Variants in KLC1 observed in about 807,000 individuals in gnomAD.
The protein encoded by KLC1 is kinesin light chain 1, also known as kinesin 2 60/70kDa.
A neutral mutation model predicts 84.2 loss-of-function variants in KLC1; 30 were observed. The ratio of observed to expected loss-of-function variants is 0.36; its 90% CI spans 0.27 to 0.48. The LOEUF (loss-of-function observed/expected upper bound fraction) is 0.48, where lower values mean the gene tolerates loss of function less well. Ranked by LOEUF, KLC1 falls within the 20% of genes least tolerant of loss-of-function variation. The pLI is 0.99. For synonymous variants in KLC1, 289 were observed against 293.3 expected (o/e 0.99, Z 0.15); for missense variants, 499 against 805.4 (o/e 0.62, Z 4.60).
At chr14:103,692,854 T>C (rs1001582679) in intron 15 of KLC1, among the ~76,000 whole-genome samples, 2 of 152,258 alleles carry the variant, frequency 1.3e-5, no homozygotes, top group Non-Finnish European at 1.5e-5. Flanking sequence ...GTTAACATGA[T>C]GACTAGCGTG....
chr14:103,664,429 G>A (rs2079572006), intron 5 of KLC1, among the ~76,000 whole-genome samples: 1 of 152,164 alleles, frequency 6.6e-6, no homozygotes, highest in African/African-American at 2.4e-5. Flanking sequence ...TGGGATTACA[G>A]GCATGAGCCA....
intron 2 of KLC1, among the ~76,000 whole-genome samples, chr14:103,656,070 G>GCCAT (rs2078818290): frequency 6.6e-6 from 1 of 152,208 alleles, no homozygotes; most frequent in South Asian, 2.1e-4. Context: ...AGCCTGTCTT[G>GCCAT]GGGACTGAGA....
intron 3 of KLC1, among the ~76,000 whole-genome samples, chr14:103,659,088 C>A (rs1340146825): frequency 6.6e-6 from 1 of 152,092 alleles, no homozygotes; most frequent in Non-Finnish European, 1.5e-5. Context: ...AGCGATTCTC[C>A]CTTCTCAGCC....
intron 5 of KLC1, 57 bp from the exon 6 acceptor site, chr14:103,669,454 A>G: frequency 1.9e-6 from 2 of 1,060,042 alleles, no homozygotes; most frequent in East Asian, 2.4e-5. Flanking sequence ...AAAGAAAAGA[A>G]AAGAAAAGCT....
chr14:103,662,621 A>T, intron 4 of KLC1, 81 bp from the exon 5 acceptor site: 1 of 1,150,142 alleles, frequency 8.7e-7, no homozygotes, highest in Non-Finnish European at 1.2e-6. Context: ...AACCAAAGTT[A>T]GTAAAGATAA....
intron 15 of KLC1, chr14:103,699,305 G>T (rs2082892163): frequency 6.5e-7 from 1 of 1,549,928 alleles, no homozygotes; most frequent in African/African-American, 1.4e-5. Context: ...GACCGGCTCT[G>T]CTTCCGCATC....
At chr14:103,674,933 C>G (rs926308773) in intron 9 of KLC1, among the ~76,000 whole-genome samples, 5 of 152,166 alleles carry the variant, frequency 3.3e-5, no homozygotes, top group African/African-American at 1.2e-4. Flanking sequence ...CTGTGTCTTA[C>G]CTGTTGCTTG....
intron 1 of KLC1, among the ~76,000 whole-genome samples, chr14:103,648,521 G>T (rs1425394028): frequency 6.6e-6 from 1 of 152,140 alleles, no homozygotes; most frequent in Non-Finnish European, 1.5e-5. Context: ...GGTGGCTCAT[G>T]CCTGTAATCG....
chr14:103,700,774 G>C, intron 16 of KLC1, 47 bp downstream of exon 16: 1 of 1,464,454 alleles, frequency 6.8e-7, no homozygotes, highest in Non-Finnish European at 9.3e-7. Flanking sequence ...GCTGGGCCAG[G>C]GAGGGACTTT....
At chr14:103,644,800 C>T (rs1406853701) in intron 1 of KLC1, among the ~76,000 whole-genome samples, 1 of 152,028 alleles carries the variant, frequency 6.6e-6, no homozygotes, top group South Asian at 2.1e-4. Flanking sequence ...TTTCTTAGGA[C>T]AATTTTTTTG....
rs1277535880 is a variant in KLC1 at position 103,662,792 on chromosome 14, TC to T, written c.664del (p.Gln222SerfsTer10). On this transcript the variant is annotated frameshift_variant, in exon 5 of 17. Transcript: ENST00000334553. LOFTEE classifies it high-confidence loss of function. ...ARLRTLHNLV[I>X]QYASQGRYEV... is the part of the protein sequence containing the mutation. ...CTGCGGACGCTCCACAACCTGGTGA[TC>T]CAGTACGCCTCGCAGGGGCGCTACG... The T allele has an allele frequency of 6.2e-7, 1 of 1,611,950 alleles. No homozygotes were observed. The highest frequency in any genetic ancestry group is 1.7e-5 in the Admixed American group (1 of 59,568).
intron 15 of KLC1, chr14:103,695,264 CAGCT>C: frequency 1.5e-6 from 1 of 658,164 alleles, no homozygotes. Flanking sequence ...AGTTCAAGAA[CAGCT>C]TGGGCAACAC....
chr14:103,648,426 C>T (rs2151429891), intron 1 of KLC1, among the ~76,000 whole-genome samples: 1 of 152,226 alleles, frequency 6.6e-6, no homozygotes, highest in South Asian at 2.1e-4. Flanking sequence ...AGGTTCTTAA[C>T]ATTCTCAATT....
intron 15 of KLC1, chr14:103,699,681 A>C: frequency 3.6e-6 from 4 of 1,115,202 alleles, no homozygotes; most frequent in Non-Finnish European, 5.3e-6. Flanking sequence ...CTTCCTACCC[A>C]CCTGGGGCTC....
intron 2 of KLC1, among the ~76,000 whole-genome samples, chr14:103,656,979 C>T (rs2151514485): frequency 6.6e-6 from 1 of 152,118 alleles, no homozygotes; most frequent in East Asian, 1.9e-4. Context: ...AGGCAGAGCC[C>T]TGGAGTGGCC....
At chr14:103,699,124 T>G in intron 15 of KLC1, 1 of 1,573,292 alleles carries the variant, frequency 6.4e-7, no homozygotes, top group Non-Finnish European at 8.6e-7. Flanking sequence ...ACCACATGGC[T>G]GCACTCACCC....
At chr14:103,650,323 T>G (rs4900585) in intron 1 of KLC1, among the ~76,000 whole-genome samples, 146,719 of 152,146 alleles carry the variant, frequency 0.96, 70,768 homozygotes, top group East Asian at 0.98. Flanking sequence ...AGAAGATGCA[T>G]TAGCTCCAAA....
intron 1 of KLC1, among the ~76,000 whole-genome samples, chr14:103,646,553 C>T (rs950826966): frequency 4.6e-5 from 7 of 152,254 alleles, no homozygotes; most frequent in African/African-American, 1.7e-4. Flanking sequence ...CTCTGTCACC[C>T]AGGCTGAAGT....
Position 103,657,881 on chromosome 14 carries a change from G to A in KLC1, c.492+105G>A. The stretch of plus-strand genomic sequence containing the variant: ...ATTCTTTTCATATTAGAACATATTA[G>A]AACATTAGAACATGCAAAAATGTTT... On this transcript the variant is annotated intron_variant, in intron 3 of 16. Coordinates refer to ENST00000334553, the MANE Select transcript of KLC1 (RefSeq NM_001394837.1). The A allele has an allele frequency of 7.6e-6, 6 of 787,798 alleles. No homozygotes were observed. The South Asian group carries it at 1.1e-4, about 14-fold the overall frequency. 48.8% of individuals were successfully genotyped at this position (787,798 alleles called of 1,614,324 possible).
Sources: gnomAD v4.1 joint callset for allele counts (sites outside exome capture counted in the v4.1 genomes callset) on GRCh38, gnomAD v4.1.1 for gene constraint, MANE v1.5 for transcripts, NCBI Gene and HGNC (gene_info 2026-07-23, HGNC 2026-07-21) for gene names.